Variants in ABCA12 observed in about 807,000 individuals in gnomAD.
ABCA12 encodes the protein ATP binding cassette subfamily A member 12.
ABCA12 carries 156 observed loss-of-function variants against 293.5 expected under a neutral mutation model. That is an observed-to-expected ratio of 0.53 (90% CI 0.47 to 0.61). The LOEUF (loss-of-function observed/expected upper bound fraction) is 0.61, where lower values mean the gene tolerates loss of function less well. Ranked by LOEUF, ABCA12 falls within the 20% of genes least tolerant of loss-of-function variation. The pLI is 0.00. For synonymous variants in ABCA12, 1,063 were observed against 1,108.0 expected, an observed-to-expected ratio of 0.96 and a Z score of 0.81; for missense variants, 2,797 against 3,090.2, an observed-to-expected ratio of 0.91 and a Z score of 2.25.
chr2:215,023,571 G>C (rs1416133753), intron 11 of ABCA12: 1 of 152,156 alleles, frequency 6.6e-6, no homozygotes, highest in African/African-American at 2.4e-5. Flanking sequence ...CATTTCCCTA[G>C]TGTATATTAT....
intron 6 of ABCA12, among the ~76,000 whole-genome samples, chr2:215,047,020 A>G (rs1256607020): frequency 6.6e-6 from 1 of 152,214 alleles, no homozygotes; most frequent in Non-Finnish European, 1.5e-5. Context: ...TGGGAGCTGA[A>G]CAATGAGAAC....
intron 1 of ABCA12, among the ~76,000 whole-genome samples, chr2:215,137,549 T>C (rs1430519362): frequency 6.6e-6 from 1 of 152,190 alleles, no homozygotes; most frequent in Non-Finnish European, 1.5e-5. Context: ...AGATAGATTG[T>C]AGTAGTAAAG....
rs182387121 is a variant in ABCA12, at chr2:215,043,240, C to A, written c.872+2597G>T. Among the ~76,000 whole-genome samples, 160 of 152,214 alleles carry A rather than the reference C, an allele frequency of 1.1e-3. 1 individual carries two copies. Among genetic ancestry groups the A allele is most frequent in the East Asian group, 1.7e-3 (9 of 5,186 alleles). ...TATTTTGAGAAATATCTATTCAGAT[C>A]TTTTGTCCATTTTAAATTGCATTAT... is the stretch of plus-strand genomic sequence containing the variant. On this transcript the variant is annotated intron_variant, in intron 7 of 52. Transcript: ENST00000272895.
intron 2 of ABCA12, among the ~76,000 whole-genome samples, chr2:215,083,152 T>C (rs1449009296): frequency 1.3e-5 from 2 of 152,216 alleles, no homozygotes; most frequent in Admixed American, 6.5e-5. Context: ...TCTCTGGAGA[T>C]GAGTACACTT....
intron 8 of ABCA12, chr2:215,032,415 T>C (rs1009071590): frequency 2.2e-5 from 4 of 185,104 alleles, no homozygotes; most frequent in Non-Finnish European, 3.4e-5. Flanking sequence ...GAATGCAAAT[T>C]GACTGATGTT....
chr2:215,106,958 G>T (rs963391944), intron 2 of ABCA12, among the ~76,000 whole-genome samples: 3 of 152,166 alleles, frequency 2.0e-5, no homozygotes, highest in Non-Finnish European at 4.4e-5. Flanking sequence ...GAGGGCCCAG[G>T]AGTGTTAGAA....
rs1444664651 is a variant in ABCA12 at position 215,001,681 on chromosome 2, G to A, written c.2740C>T (p.Leu914=). 1.9e-6 allele frequency: 3 copies of A among 1,613,702 alleles called. No individual in the cohort carries two copies. Among genetic ancestry groups the A allele is most frequent in the East Asian group, 2.2e-5 (1 of 44,810 alleles). Residue 914 remains leucine (L), a synonymous_variant, in exon 21 of 53, where the codon CTA becomes TTA. Coordinates refer to ENST00000272895, the MANE Select transcript of ABCA12 (RefSeq NM_173076.3). ...GAAATATTTACTGTCAGGGAAGATAGTGTGTTAAGCTGATCGATGATGTCA... is the reference window on the plus strand; with the variant it reads ...GAAATATTTACTGTCAGGGAAGATAATGTGTTAAGCTGATCGATGATGTCA... ...NIDIIDQLNT[L]SSLTVNISSC...
intron 21 of ABCA12, 32 bp from the exon 22 acceptor site, chr2:215,001,052 G>T: frequency 6.2e-7 from 1 of 1,604,222 alleles, no homozygotes; most frequent in Non-Finnish European, 8.5e-7. Context: ...CAGCAGAAAG[G>T]TTATTTTATG....
intron 7 of ABCA12, among the ~76,000 whole-genome samples, chr2:215,041,702 T>G (rs1014563076): frequency 1.3e-5 from 2 of 152,174 alleles, no homozygotes; most frequent in African/African-American, 4.8e-5. Flanking sequence ...AATGAAGAGA[T>G]AGTAGTATTG....
At chr2:215,032,043 T>A in intron 8 of ABCA12, 147 bp from the exon 9 acceptor site, 1 of 1,511,642 alleles carries the variant, frequency 6.6e-7, no homozygotes, top group African/African-American at 1.4e-5. Context: ...ATAAAAGACA[T>A]CTATGCTCTT....
chr2:215,015,428 G>C, intron 15 of ABCA12, 62 bp downstream of exon 15: 1 of 1,441,708 alleles, frequency 6.9e-7, no homozygotes, highest in Non-Finnish European at 9.6e-7. Flanking sequence ...GAACATAAAT[G>C]TATAATTAAA....
intron 1 of ABCA12, among the ~76,000 whole-genome samples, chr2:215,112,689 G>A (rs1575052341): frequency 1.3e-5 from 2 of 151,768 alleles, no homozygotes; most frequent in African/African-American, 4.8e-5. Flanking sequence ...GTAGAGATGA[G>A]GTTCCACCAT....
chr2:215,114,699 GAGCTTGTTCTTTAA>G (rs1314253468), intron 1 of ABCA12, among the ~76,000 whole-genome samples: 1 of 152,120 alleles, frequency 6.6e-6, no homozygotes, highest in Non-Finnish European at 1.5e-5. Flanking sequence ...TTCAAAATTG[GAGCTTGTTCTTTAA>G]AGATCCTGAA....
chr2:214,976,351 T>C (rs1699516969), intron 33 of ABCA12, among the ~76,000 whole-genome samples: 1 of 152,222 alleles, frequency 6.6e-6, no homozygotes, highest in African/African-American at 2.4e-5. Flanking sequence ...TAGAATTTCA[T>C]AAATGAATAT....
intron 43 of ABCA12, 103 bp from the exon 44 acceptor site, chr2:214,954,210 CT>C: frequency 1.6e-6 from 2 of 1,278,838 alleles, no homozygotes; most frequent in Non-Finnish European, 2.2e-6. Context: ...ACCTAAAAAG[CT>C]TATCTAGATT....
At chr2:214,967,315 G>C (rs1262588586) in intron 38 of ABCA12, among the ~76,000 whole-genome samples, 1 of 152,068 alleles carries the variant, frequency 6.6e-6, no homozygotes, top group Non-Finnish European at 1.5e-5. Context: ...GCCAATAATG[G>C]TAATAAAAAC....
intron 1 of ABCA12, among the ~76,000 whole-genome samples, chr2:215,118,207 G>C (rs1165642242): frequency 1.3e-5 from 2 of 152,104 alleles, no homozygotes; most frequent in Non-Finnish European, 2.9e-5. Flanking sequence ...TTTGAGACCA[G>C]CCTGGCCAAC....
At chr2:214,968,413 G>T (rs1699311997) in intron 38 of ABCA12, among the ~76,000 whole-genome samples, 1 of 151,990 alleles carries the variant, frequency 6.6e-6, no homozygotes, top group Admixed American at 6.6e-5. Context: ...CATTTCCATT[G>T]CTGAAAGTTT....
intron 18 of ABCA12, among the ~76,000 whole-genome samples, chr2:215,008,667 T>C (rs1700305911): frequency 6.6e-6 from 1 of 152,082 alleles, no homozygotes; most frequent in African/African-American, 2.4e-5. Context: ...CTATAAAGGA[T>C]TGGAGTAATA....
Sources: allele counts gnomAD v4.1 joint callset (sites outside exome capture counted in the v4.1 genomes callset), GRCh38; gene constraint gnomAD v4.1.1; transcripts MANE v1.5; gene names NCBI Gene and HGNC (gene_info 2026-07-23, HGNC 2026-07-21).